CREBBP: variants seen among roughly 807,000 people sequenced by gnomAD.
The protein encoded by CREBBP is CREB binding lysine acetyltransferase, also known as CREB-binding protein.
CREBBP carries 19 observed loss-of-function variants against 265.0 expected under a neutral mutation model. The ratio of observed to expected loss-of-function variants is 0.07; its 90% CI spans 0.05 to 0.11. The LOEUF (loss-of-function observed/expected upper bound fraction) is 0.11, where lower values mean the gene tolerates loss of function less well. Ranked by LOEUF, CREBBP falls within the 10% of genes least tolerant of loss-of-function variation. The pLI, the probability that CREBBP is intolerant of heterozygous loss-of-function variation, is 1.00. For synonymous variants in CREBBP, 1,457 were observed against 1,223.7 expected (o/e 1.19, Z -3.98); for missense variants, 2,525 against 3,219.0 (o/e 0.78, Z 5.22).
chr16:3,823,526 A>C (rs2054180042), intron 2 of CREBBP, among the ~76,000 whole-genome samples: 1 of 152,140 alleles, frequency 6.6e-6, no homozygotes, highest in African/African-American at 2.4e-5. Flanking sequence ...GGCGGGAGGA[A>C]AGAAAATAGA....
intron 2 of CREBBP, among the ~76,000 whole-genome samples, chr16:3,835,243 T>G (rs531734848): frequency 2.8e-4 from 42 of 151,804 alleles, no homozygotes; most frequent in African/African-American, 9.2e-4. Context: ...TAGAACAGAC[T>G]AGAACAAAGG....
intron 28 of CREBBP, among the ~76,000 whole-genome samples, chr16:3,733,974 A>G (rs997399851): frequency 3.3e-5 from 5 of 152,224 alleles, no homozygotes; most frequent in Admixed American, 6.5e-5. Flanking sequence ...TATAAAATAA[A>G]TATGTTCATG....
chr16:3,850,206 G>T (rs1597052734), intron 2 of CREBBP, 91 bp downstream of exon 2: 1 of 1,303,060 alleles, frequency 7.7e-7, no homozygotes, highest in East Asian at 2.3e-5. Flanking sequence ...AGGAAAAACA[G>T]GAGTGGGCCA....
In CREBBP at chr16:3,757,063, G is replaced by T. The variant is rs115668854; in HGVS notation, c.3698+225C>A. 2.2e-3 allele frequency among the ~76,000 whole-genome samples: 336 copies of T among 152,168 alleles called. 2 individuals carry two copies. Among genetic ancestry groups the T allele is most frequent in the African/African-American group, 7.5e-3 (312 of 41,516 alleles). On this transcript the variant is annotated intron_variant, in intron 19 of 30. Transcript: ENST00000262367. ...TTTTTTTCTTTTCAAATAGAGATGGGGGTTTCTCTATGTCGCCAAGGCTGA... is the reference window on the plus strand; with the variant it reads ...TTTTTTTCTTTTCAAATAGAGATGGTGGTTTCTCTATGTCGCCAAGGCTGA...
chr16:3,738,896 A>G (rs1394451071), intron 25 of CREBBP, among the ~76,000 whole-genome samples: 3 of 152,212 alleles, frequency 2.0e-5, no homozygotes, highest in Non-Finnish European at 4.4e-5. Context: ...CAAGGCATGT[A>G]CCATCATGCC....
chr16:3,848,191 C>T (rs990405777), intron 2 of CREBBP, among the ~76,000 whole-genome samples: 1 of 151,130 alleles, frequency 6.6e-6, no homozygotes, highest in Non-Finnish European at 1.5e-5. Flanking sequence ...AAAAAAATTA[C>T]AACATATGAG....
intron 26 of CREBBP, among the ~76,000 whole-genome samples, chr16:3,737,950 G>A (rs1327571585): frequency 1.3e-5 from 2 of 149,610 alleles, no homozygotes; most frequent in Non-Finnish European, 3.0e-5. Flanking sequence ...ACTATGCCCG[G>A]CTAACTTTTG....
At position 3,855,596 on chromosome 16, in the gene CREBBP, T is replaced by C. The variant is rs577330034; in HGVS notation, c.86-4587A>G. 5.3e-5 allele frequency among the ~76,000 whole-genome samples: 8 copies of C among 152,256 alleles called. 1 individual carries two copies. Among genetic ancestry groups the C allele is most frequent in the African/African-American group, 1.7e-4 (7 of 41,536 alleles). On this transcript the variant is annotated intron_variant, in intron 1 of 30. Transcript: ENST00000262367. ...GACATTTTTGAAGAATAGAGGCCAGTTGTTATTGTAGAAGGTCCTTCAATT... is the reference window on the plus strand; with the variant it reads ...GACATTTTTGAAGAATAGAGGCCAGCTGTTATTGTAGAAGGTCCTTCAATT...
intron 2 of CREBBP, among the ~76,000 whole-genome samples, chr16:3,811,970 C>T (rs964274621): frequency 1.3e-5 from 2 of 152,040 alleles, no homozygotes; most frequent in South Asian, 4.2e-4. Flanking sequence ...CAAAAGGTTA[C>T]AAGCAGATTT....
intron 5 of CREBBP, among the ~76,000 whole-genome samples, chr16:3,789,883 T>A (rs954324638): frequency 4.8e-5 from 7 of 144,510 alleles, no homozygotes; most frequent in East Asian, 4.0e-4. Context: ...AAGGATGGTT[T>A]AAAAAAAAAA....
chr16:3,727,686 C>T lies in CREBBP; in HGVS notation c.*32G>A, dbSNP rs554483949. 16 of 1,612,840 alleles carry T rather than the reference C, an allele frequency of 9.9e-6. No individual in the cohort carries two copies. The highest frequency in any genetic ancestry group is 1.3e-5 in the Non-Finnish European group (15 of 1,179,970). On this transcript the variant is annotated 3_prime_UTR_variant, in exon 31 of 31. Transcript: ENST00000262367. ...ATTTTCAGTACAAAAGGTCCAAGAA[C>T]ATGAAAGGGAAAAGGTGATGCTCTC... is the stretch of plus-strand genomic sequence containing the variant.
intron 1 of CREBBP, among the ~76,000 whole-genome samples, chr16:3,867,621 T>C (rs1291818356): frequency 6.6e-6 from 1 of 151,822 alleles, no homozygotes; most frequent in East Asian, 1.9e-4. Flanking sequence ...ACTTAATTAA[T>C]TAAAAGAAAG....
At chr16:3,793,148 G>A (rs569478483) in intron 4 of CREBBP, among the ~76,000 whole-genome samples, 1 of 152,348 alleles carries the variant, frequency 6.6e-6, no homozygotes, top group Admixed American at 6.5e-5. Flanking sequence ...ACAGCTTCAA[G>A]CAGCAGAAGT....
At chr16:3,871,082 GAGAA>G (rs542035833) in intron 1 of CREBBP, among the ~76,000 whole-genome samples, 35 of 145,970 alleles carry the variant, frequency 2.4e-4, no homozygotes, top group Non-Finnish European at 3.5e-4. Context: ...GGAAGGAAAA[GAGAA>G]AGAAAGAAAG....
At position 3,769,243 on chromosome 16, in the gene CREBBP, C is replaced by A. The variant is rs766440192; in HGVS notation, c.2991G>T (p.Met997Ile). Reference protein sequence around the residue: ...QPGPDVPVLEMKTETQAEDTE... With the variant: ...QPGPDVPVLEIKTETQAEDTE... Reference sequence around the variant, plus strand: ...TGTCCTCTGCTTGGGTCTCCGTCTTCATTTCCAGCACAGGTACGTCAGGTC... The same window carrying A: ...TGTCCTCTGCTTGGGTCTCCGTCTTAATTTCCAGCACAGGTACGTCAGGTC... Residue 997 changes from methionine (M) to isoleucine (I), a missense_variant, in exon 15 of 31, where the codon ATG becomes ATT. Physicochemically the swap from Met to Ile is conservative, Grantham distance 10. Coordinates refer to ENST00000262367, the MANE Select transcript of CREBBP (RefSeq NM_004380.3). 17 of 1,614,056 alleles carry A rather than the reference C, an allele frequency of 1.1e-5. No individual in the cohort carries two copies. Among genetic ancestry groups the A allele is most frequent in the Non-Finnish European group, 1.4e-5 (16 of 1,180,040 alleles).
At chr16:3,854,533 C>A (rs1036049293) in intron 1 of CREBBP, among the ~76,000 whole-genome samples, 6 of 152,208 alleles carry the variant, frequency 3.9e-5, no homozygotes, top group African/African-American at 1.2e-4. Context: ...TTTAACCTCA[C>A]CCTAACCCTA....
chr16:3,745,291 G>T lies in CREBBP; in HGVS notation c.3900C>A (p.Ile1300=), dbSNP rs129974. 0.016 allele frequency: 26,526 copies of T among 1,613,834 alleles called. 1,500 individuals carry two copies. The East Asian group carries it at 0.17, about 10-fold the overall frequency. Residue 1300 remains isoleucine, a synonymous_variant, in exon 22 of 31, where the codon ATC becomes ATA. Coordinates refer to ENST00000262367, the MANE Select transcript of CREBBP (RefSeq NM_004380.3). The stretch of plus-strand genomic sequence containing the variant: ...AAACAACTCACCCTGAAGGCCAAAT[G>T]ATGTCATAGTGCAGAACGCAAATCT... The part of the protein sequence containing the change: ...MHQICVLHYD[I]IWPSGFVCDN...
rs190659006 is a variant in CREBBP at position 3,819,031 on chromosome 16, C to T, written c.799-8252G>A. Among the ~76,000 whole-genome samples, 101 of 152,390 alleles carry T rather than the reference C, an allele frequency of 6.6e-4. 1 individual carries two copies. In the Middle Eastern group the frequency reaches 0.01, roughly 15 times the overall value. ...CTGTCTCCTTCAAGTTCACCGGCCT[C>T]ACGCCAGTAGCCGGGACAGAGACAG... On this transcript the variant is annotated intron_variant, in intron 2 of 30. Coordinates refer to ENST00000262367, the MANE Select transcript of CREBBP (RefSeq NM_004380.3).
At chr16:3,872,076 C>G (rs1055930384) in intron 1 of CREBBP, among the ~76,000 whole-genome samples, 9 of 152,108 alleles carry the variant, frequency 5.9e-5, no homozygotes, top group African/African-American at 2.2e-4. Flanking sequence ...GGGATAATAT[C>G]CAAATCTTTC....
Sources: allele counts gnomAD v4.1 joint callset (sites outside exome capture counted in the v4.1 genomes callset), GRCh38; gene constraint gnomAD v4.1.1; transcripts MANE v1.5; gene names NCBI Gene and HGNC (gene_info 2026-07-23, HGNC 2026-07-21).